Variants in KIRREL3 observed in about 807,000 individuals in gnomAD.
KIRREL3 encodes the protein kin of IRRE-like protein 3.
A neutral mutation model predicts 89.7 loss-of-function variants in KIRREL3; 36 were observed. The ratio of observed to expected loss-of-function variants is 0.40; its 90% CI spans 0.31 to 0.53. The LOEUF is 0.53. Ranked by LOEUF, KIRREL3 falls within the 20% of genes least tolerant of loss-of-function variation. The probability of loss-of-function intolerance (pLI) is 0.49; values close to 1 mark genes in which losing one functional copy is unlikely to be tolerated. For missense variants in KIRREL3, 864 were observed against 1,056.6 expected (o/e 0.82, Z 2.53); for synonymous variants, 445 against 441.4 (o/e 1.01, Z -0.10).
chr11:126,479,722 C>T (rs373114400), intron 4 of KIRREL3, among the ~76,000 whole-genome samples: 7 of 152,212 alleles, frequency 4.6e-5, no homozygotes, highest in South Asian at 2.1e-4. Flanking sequence ...TTCGCTCCCC[C>T]GGGGCCGGCC....
rs142323872 is a variant in KIRREL3 at position 126,496,269 on chromosome 11, G to A, written c.434-22803C>T. Among the ~76,000 whole-genome samples the A allele has an allele frequency of 6.6e-6, 1 of 152,214 alleles. No individual in the cohort carries two copies. The highest frequency in any genetic ancestry group is 1.5e-5 in the Non-Finnish European group (1 of 68,034). On this transcript the variant is annotated intron_variant, in intron 4 of 16. Transcript: ENST00000525144. The surrounding 1 kb of genome is among the most constrained non-coding windows in gnomAD (Gnocchi z 4.9). ...TCGGAACATTGAGAGGCACTGTGCT[G>A]TTTGCAAAATGCTTTCTATACACGT...
At position 126,905,038 on chromosome 11, in the gene KIRREL3, C is replaced by T. The variant is rs116567554; in HGVS notation, c.55+95417G>A. Reference sequence around the variant, plus strand: ...AATGCTTCAGAGGGGAGAGACATTTCAAGAGACTGGGTCATTCCCTGGTTT... The same window carrying T: ...AATGCTTCAGAGGGGAGAGACATTTTAAGAGACTGGGTCATTCCCTGGTTT... On this transcript the variant is annotated intron_variant, in intron 1 of 16. Transcript: ENST00000525144. This position sits in a 1 kb window ranked among gnomAD's most constrained non-coding sequence, Gnocchi z 5.0. 1.3e-5 allele frequency among the ~76,000 whole-genome samples: 2 copies of T among 152,108 alleles called. No individual in the cohort carries two copies. The highest frequency in any genetic ancestry group is 4.8e-5 in the African/African-American group (2 of 41,392).
rs373741113 is a variant in KIRREL3 at position 126,968,481 on chromosome 11, G to C, written c.55+31974C>G. On this transcript the variant is annotated intron_variant, in intron 1 of 16. Transcript: ENST00000525144. Reference sequence around the variant, plus strand: ...TAGATTCTCCCAAATTTTCAGCTCAGTTTGAACATTTGGGATGAAGCTGTC... The same window carrying C: ...TAGATTCTCCCAAATTTTCAGCTCACTTTGAACATTTGGGATGAAGCTGTC... 1.8e-4 allele frequency among the ~76,000 whole-genome samples: 28 copies of C among 152,344 alleles called. No individual in the cohort carries two copies. The East Asian group carries it at 5.0e-3, about 27-fold the overall frequency.
At position 126,498,307 on chromosome 11, in the gene KIRREL3, T is replaced by C. The variant is rs1255518813; in HGVS notation, c.433+23008A>G. ...AAAACGCCCATTTTCTCACTCCAAGTTTCCCCCTCATTAATTTTAATCTAA... is the reference window on the plus strand; with the variant it reads ...AAAACGCCCATTTTCTCACTCCAAGCTTCCCCCTCATTAATTTTAATCTAA... On this transcript the variant is annotated intron_variant, in intron 4 of 16. Transcript: ENST00000525144. The surrounding 1 kb of genome is among the most constrained non-coding windows in gnomAD (Gnocchi z 4.3). 6.6e-6 allele frequency among the ~76,000 whole-genome samples: 1 copy of C among 152,136 alleles called. No individual in the cohort carries two copies. The highest frequency in any genetic ancestry group is 2.4e-5 in the African/African-American group (1 of 41,420).
chr11:126,765,988 T>C (rs1694938299), intron 1 of KIRREL3, among the ~76,000 whole-genome samples: 1 of 152,190 alleles, frequency 6.6e-6, no homozygotes, highest in Non-Finnish European at 1.5e-5. Flanking sequence ...ATCAGCTACC[T>C]GAGCTTGGGC....
In KIRREL3 at chr11:126,948,794, T is replaced by A. The variant is rs1793672; in HGVS notation, c.55+51661A>T. ...CTCCAGCAAGGCAGACAGCTGGATATGGGGAGGAGTTCAGAAGCCAGGGAA... is the reference window on the plus strand; with the variant it reads ...CTCCAGCAAGGCAGACAGCTGGATAAGGGGAGGAGTTCAGAAGCCAGGGAA... On this transcript the variant is annotated intron_variant, in intron 1 of 16. Coordinates refer to ENST00000525144, the MANE Select transcript of KIRREL3 (RefSeq NM_032531.4). The surrounding 1 kb of genome is among the most constrained non-coding windows in gnomAD (Gnocchi z 4.5). Among the ~76,000 whole-genome samples the A allele has an allele frequency of 6.6e-6, 1 of 152,090 alleles. No homozygotes were observed. Among genetic ancestry groups the A allele is most frequent in the African/African-American group, 2.4e-5 (1 of 41,408 alleles).
At position 127,000,536 on chromosome 11, in the gene KIRREL3, CGGG is replaced by C; in HGVS notation, c.-30_-28del. The C allele has an allele frequency of 6.3e-7, 1 of 1,591,362 alleles. No homozygotes were observed. The highest frequency in any genetic ancestry group is 8.6e-7 in the Non-Finnish European group (1 of 1,169,128). On this transcript the variant is annotated 5_prime_UTR_variant, in exon 1 of 17. Transcript: ENST00000525144. This position sits in a 1 kb window ranked among gnomAD's most constrained non-coding sequence, Gnocchi z 7.1. The stretch of plus-strand genomic sequence containing the variant: ...CCTTAGCGCAGCGAAGGAAAGCCGG[CGGG>C]GTAACTTGGCTGTGGTTAGTTTCTC...
At chr11:126,688,841 A>T (rs1946764974) in intron 1 of KIRREL3, among the ~76,000 whole-genome samples, 1 of 152,180 alleles carries the variant, frequency 6.6e-6, no homozygotes, top group Non-Finnish European at 1.5e-5. Flanking sequence ...AGCTGTCACA[A>T]GAAATTTCTG....
At chr11:126,984,604 A>G (rs554615354) in intron 1 of KIRREL3, among the ~76,000 whole-genome samples, 27 of 152,150 alleles carry the variant, frequency 1.8e-4, no homozygotes, top group African/African-American at 3.6e-4. Flanking sequence ...TGCCTCATTT[A>G]CAAGAGAGGG....
At position 126,516,818 on chromosome 11, in the gene KIRREL3, C is replaced by T. The variant is rs775626449; in HGVS notation, c.433+4497G>A. On this transcript the variant is annotated intron_variant, in intron 4 of 16. Transcript: ENST00000525144. This position sits in a 1 kb window ranked among gnomAD's most constrained non-coding sequence, Gnocchi z 4.9. Reference sequence around the variant, plus strand: ...TGTGTACACAACTTTAAAATACAGGCGGGGTGGCTCACGCTTGTAATCCCA... The same window carrying T: ...TGTGTACACAACTTTAAAATACAGGTGGGGTGGCTCACGCTTGTAATCCCA... 1.3e-5 allele frequency among the ~76,000 whole-genome samples: 2 copies of T among 152,156 alleles called. No homozygotes were observed. The highest frequency in any genetic ancestry group is 2.9e-5 in the Non-Finnish European group (2 of 68,026).
In KIRREL3 at chr11:126,475,002, C is replaced by A. The variant is rs1957025433; in HGVS notation, c.434-1536G>T. On this transcript the variant is annotated intron_variant, in intron 4 of 16. Transcript: ENST00000525144. This position sits in a 1 kb window ranked among gnomAD's most constrained non-coding sequence, Gnocchi z 7.5. ...TGAGGAATCCCTGTTTCCCTTACCC[C>A]AGGAGGAGCTGGGCCCACCAGCTCT... Among the ~76,000 whole-genome samples, 1 of 152,176 alleles carries A rather than the reference C, an allele frequency of 6.6e-6. No homozygotes were observed. Among genetic ancestry groups the A allele is most frequent in the Non-Finnish European group, 1.5e-5 (1 of 68,024 alleles).
Position 126,844,379 on chromosome 11 carries a change from G to A in KIRREL3, c.55+156076C>T, listed in dbSNP as rs1261479175. On this transcript the variant is annotated intron_variant, in intron 1 of 16. Transcript: ENST00000525144. The surrounding 1 kb of genome is among the most constrained non-coding windows in gnomAD (Gnocchi z 4.8). ...TAACCTTGGGTAAGCAGTGTGGTGT[G>A]GTAACATCTTTCTGGCAAACCATGG... Among the ~76,000 whole-genome samples, 1 of 152,130 alleles carries A rather than the reference G, an allele frequency of 6.6e-6. No homozygotes were observed. The highest frequency in any genetic ancestry group is 1.5e-5 in the Non-Finnish European group (1 of 68,020).
intron 1 of KIRREL3, among the ~76,000 whole-genome samples, chr11:126,971,940 A>T (rs1949434216): frequency 6.6e-6 from 1 of 152,186 alleles, no homozygotes; most frequent in African/African-American, 2.4e-5. Context: ...CAGGATAGAC[A>T]GATTAGTGTT....
In KIRREL3 at chr11:126,550,644, GTC is replaced by G. The variant is rs1307337376; in HGVS notation, c.133+12189_133+12190del. On this transcript the variant is annotated intron_variant, in intron 2 of 16. Coordinates refer to ENST00000525144, the MANE Select transcript of KIRREL3 (RefSeq NM_032531.4). The surrounding 1 kb of genome is among the most constrained non-coding windows in gnomAD (Gnocchi z 4.9). ...GCCTGGGCAACAAGAGCGAAACTCC[GTC>G]TCTGTCTCGAGAGAAAAAAAAAAAA... 6.6e-6 allele frequency: 1 copy of G among 150,924 alleles called. No homozygotes were observed. The highest frequency in any genetic ancestry group is 2.4e-5 in the African/African-American group (1 of 40,988). 9.3% of individuals were successfully genotyped at this position (150,924 alleles called of 1,614,324 possible).
At chr11:126,770,778 G>C (rs1207846783) in intron 1 of KIRREL3, among the ~76,000 whole-genome samples, 2 of 152,166 alleles carry the variant, frequency 1.3e-5, no homozygotes, top group African/African-American at 2.4e-5. Context: ...AGCAGGGAAG[G>C]GAACTGAAAA....
chr11:126,957,589 T>C (rs1948962173), intron 1 of KIRREL3, among the ~76,000 whole-genome samples: 1 of 152,154 alleles, frequency 6.6e-6, no homozygotes, highest in South Asian at 2.1e-4. Context: ...GAAGGAGCAG[T>C]CTAGTGAGTT....
In KIRREL3 at chr11:126,564,258, G is replaced by A. The variant is rs573990466; in HGVS notation, c.56-1346C>T. Among the ~76,000 whole-genome samples, 17 of 152,280 alleles carry A rather than the reference G, an allele frequency of 1.1e-4. No individual in the cohort carries two copies. Among genetic ancestry groups the A allele is most frequent in the Admixed American group, 3.3e-4 (5 of 15,290 alleles). ...CTAGGCTCAAGAGGATAGACGGAGC[G>A]GGTCATTCCTCTTTCTCCTCTTCCA... On this transcript the variant is annotated intron_variant, in intron 1 of 16. Coordinates refer to ENST00000525144, the MANE Select transcript of KIRREL3 (RefSeq NM_032531.4). This position sits in a 1 kb window ranked among gnomAD's most constrained non-coding sequence, Gnocchi z 7.4.
rs1009784865 is a variant in KIRREL3, at chr11:126,601,992, C to T, written c.56-39080G>A. ...GCCTGACAGAGTCACAGAAGCTGAC[C>T]GCTGCGAGGCAGGGGCTGCGGCCTT... On this transcript the variant is annotated intron_variant, in intron 1 of 16. Transcript: ENST00000525144. This position sits in a 1 kb window ranked among gnomAD's most constrained non-coding sequence, Gnocchi z 5.8. 7.2e-5 allele frequency among the ~76,000 whole-genome samples: 11 copies of T among 152,164 alleles called. No individual in the cohort carries two copies. Among genetic ancestry groups the T allele is most frequent in the South Asian group, 2.1e-4 (1 of 4,826 alleles).
rs1947443147 is a variant in KIRREL3 at position 126,704,621 on chromosome 11, A to G, written c.56-141709T>C. 6.6e-6 allele frequency among the ~76,000 whole-genome samples: 1 copy of G among 152,210 alleles called. No individual in the cohort carries two copies. The highest frequency in any genetic ancestry group is 1.5e-5 in the Non-Finnish European group (1 of 68,036). ...TCAGGCTGACTTTCCATACACAGAC[A>G]GGGCTCTATTTTTGGATGTCTTGGT... On this transcript the variant is annotated intron_variant, in intron 1 of 16. Transcript: ENST00000525144. This position sits in a 1 kb window ranked among gnomAD's most constrained non-coding sequence, Gnocchi z 4.2.
Sources: allele counts gnomAD v4.1 joint callset (sites outside exome capture counted in the v4.1 genomes callset), GRCh38; gene constraint gnomAD v4.1.1; non-coding constraint Gnocchi (gnomAD v3.1); transcripts MANE v1.5; gene names NCBI Gene and HGNC (gene_info 2026-07-23, HGNC 2026-07-21).